RYR2: variants seen among roughly 807,000 people sequenced by gnomAD.
RYR2 encodes the protein ryanodine receptor 2.
A neutral mutation model predicts 601.1 loss-of-function variants in RYR2; 227 were observed. That is an observed-to-expected ratio of 0.38 (90% confidence interval 0.34 to 0.42). The LOEUF is 0.42. Ranked by LOEUF, RYR2 falls within the 10% of genes least tolerant of loss-of-function variation. RYR2 has a pLI of 1.00. For missense variants in RYR2, 4,646 were observed against 6,156.5 expected (o/e 0.75, Z 8.21); for synonymous variants, 2,223 against 2,175.1 (o/e 1.02, Z -0.61).
intron 5 of RYR2, 93 bp downstream of exon 5, chr1:237,364,465 C>T: frequency 1.7e-6 from 1 of 605,416 alleles, no homozygotes. Context: ...ATTAGTATAG[C>T]TGTATTATAT....
intron 80 of RYR2, among the ~76,000 whole-genome samples, chr1:237,751,059 A>C (rs1692495332): frequency 6.6e-6 from 1 of 152,206 alleles, no homozygotes; most frequent in African/African-American, 2.4e-5. Context: ...CTGTGATCCA[A>C]TCTATGATCA....
intron 2 of RYR2, among the ~76,000 whole-genome samples, chr1:237,312,452 T>A (rs1308014965): frequency 6.6e-6 from 1 of 152,236 alleles, no homozygotes; most frequent in African/African-American, 2.4e-5. Flanking sequence ...TGTCCCGCAC[T>A]TGCAGTAATA....
chr1:237,346,113 C>G lies in RYR2; in HGVS notation c.274-9852C>G, dbSNP rs187995035. ...GGGTGCGGTGGCTCATACCTATAAT[C>G]CCAGTACTTTGGGAGGCTGAGGTGG... is the stretch of plus-strand genomic sequence containing the variant. On this transcript the variant is annotated intron_variant, in intron 3 of 104. Transcript: ENST00000366574. 6.7e-4 allele frequency among the ~76,000 whole-genome samples: 102 copies of G among 152,068 alleles called. 1 individual carries two copies. The East Asian group carries it at 0.016, about 23-fold the overall frequency.
At chr1:237,487,561 A>C (rs2150392513) in intron 17 of RYR2, among the ~76,000 whole-genome samples, 1 of 150,530 alleles carries the variant, frequency 6.6e-6, no homozygotes, top group South Asian at 2.1e-4. Context: ...CTCTACAAAA[A>C]AAAAAAAAAA....
chr1:237,784,569 C>G lies in RYR2; in HGVS notation c.12857C>G (p.Ser4286Cys), dbSNP rs2149355491. Residue 4286 changes from serine (S) to cysteine (C), a missense_variant, in exon 90 of 105, where the codon TCC becomes TGC. Transcript: ENST00000366574. The surrounding 1 kb of genome is among the most constrained non-coding windows in gnomAD (Gnocchi z 7.1). ...GACATGGTCACGGCCTTCTTTTCATCCTACTGGAGTATTTTCATGACCCTC... is the reference window on the plus strand; with the variant it reads ...GACATGGTCACGGCCTTCTTTTCATGCTACTGGAGTATTTTCATGACCCTC... ...VKDMVTAFFS[S>C]YWSIFMTLLH... 2 of 1,613,944 alleles carry G rather than the reference C, an allele frequency of 1.2e-6. No individual in the cohort carries two copies. The highest frequency in any genetic ancestry group is 1.7e-6 in the Non-Finnish European group (2 of 1,179,880).
intron 12 of RYR2, among the ~76,000 whole-genome samples, chr1:237,426,244 G>A (rs979343745): frequency 6.6e-6 from 1 of 152,090 alleles, no homozygotes; most frequent in Non-Finnish European, 1.5e-5. Flanking sequence ...AGAGCTCCAG[G>A]AAAGACAGTC....
At chr1:237,420,447 A>G (rs995929013) in intron 11 of RYR2, among the ~76,000 whole-genome samples, 8 of 152,170 alleles carry the variant, frequency 5.3e-5, no homozygotes, top group African/African-American at 1.7e-4. Flanking sequence ...TGATGTTACC[A>G]TAGGAAATTG....
intron 1 of RYR2, among the ~76,000 whole-genome samples, chr1:237,097,770 A>G (rs1349383121): frequency 2.0e-5 from 3 of 152,292 alleles, no homozygotes; most frequent in African/African-American, 7.2e-5. Context: ...ATCCACTACC[A>G]GTGATATTAG....
At chr1:237,323,933 A>T (rs1695891956) in intron 2 of RYR2, among the ~76,000 whole-genome samples, 1 of 152,216 alleles carries the variant, frequency 6.6e-6, no homozygotes. Context: ...TGACACAGGA[A>T]AAATCTTTCC....
chr1:237,380,422 A>ATATATATT lies in RYR2; in HGVS notation c.576+2987_576+2988insTATATATT, dbSNP rs1214802373. Among the ~76,000 whole-genome samples, 29 of 48,058 alleles carry ATATATATT rather than the reference A, an allele frequency of 6.0e-4. 4 individuals carry two copies. Among genetic ancestry groups the ATATATATT allele is most frequent in the African/African-American group, 2.1e-3 (26 of 12,446 alleles). The allele number at this position is 48,058 out of a possible 152,430, so 31.5% of individuals were successfully genotyped here. A position where few individuals can be genotyped will look rare whatever the true frequency, so the allele number is the denominator to read the frequency against. On this transcript the variant is annotated intron_variant, in intron 8 of 104. Coordinates refer to ENST00000366574, the MANE Select transcript of RYR2 (RefSeq NM_001035.3). ...TATATATATATATATATATATATAT[A>ATATATATT]GTAAATACGAAGTCTGGTGAGTATG...
chr1:237,174,670 C>T lies in RYR2; in HGVS notation c.49-95827C>T, dbSNP rs974386964. ...TTGCCAATCTCATGTTCTAATATCCCGACTGCTTTTTCAAATAGGAGTTAG... is the reference window on the plus strand; with the variant it reads ...TTGCCAATCTCATGTTCTAATATCCTGACTGCTTTTTCAAATAGGAGTTAG... On this transcript the variant is annotated intron_variant, in intron 1 of 104. Coordinates refer to ENST00000366574, the MANE Select transcript of RYR2 (RefSeq NM_001035.3). 1.5e-4 allele frequency among the ~76,000 whole-genome samples: 23 copies of T among 152,182 alleles called. No homozygotes were observed. In the South Asian group the frequency reaches 3.1e-3, roughly 21 times the overall value.
At chr1:237,547,548 T>G (rs1669957673) in intron 25 of RYR2, among the ~76,000 whole-genome samples, 1 of 152,140 alleles carries the variant, frequency 6.6e-6, no homozygotes, top group Non-Finnish European at 1.5e-5. Flanking sequence ...CAAGGTATAG[T>G]CAATAATGGA....
At chr1:237,077,432 T>C (rs1482684309) in intron 1 of RYR2, among the ~76,000 whole-genome samples, 2 of 130,530 alleles carry the variant, frequency 1.5e-5, no homozygotes, top group East Asian at 2.1e-4. Context: ...TGGAGGAAGA[T>C]CTACTAAGCC....
chr1:237,551,686 A>G (rs933271769), intron 27 of RYR2, among the ~76,000 whole-genome samples: 3 of 152,196 alleles, frequency 2.0e-5, no homozygotes, highest in Non-Finnish European at 4.4e-5. Context: ...TTTTTGATGG[A>G]AAGTTTTAAA....
Position 237,687,605 on chromosome 1 carries a change from T to TGCATG in RYR2, c.9067+104_9067+108dup, listed in dbSNP as rs1426480524. On this transcript the variant is annotated intron_variant, in intron 63 of 104. Coordinates refer to ENST00000366574, the MANE Select transcript of RYR2 (RefSeq NM_001035.3). ...CTGCTATGTTGCATGGATGCATGTT[T>TGCATG]GCATGGCTGCATGCATGGTCGTTGC... is the stretch of plus-strand genomic sequence containing the variant. 4 of 849,562 alleles carry TGCATG rather than the reference T, an allele frequency of 4.7e-6. No individual in the cohort carries two copies. The East Asian group carries it at 7.9e-5, about 17-fold the overall frequency. The allele number at this position is 849,562 out of a possible 1,614,324, so 52.6% of individuals were successfully genotyped here.
chr1:237,167,331 A>T (rs1676819386), intron 1 of RYR2, among the ~76,000 whole-genome samples: 10 of 152,208 alleles, frequency 6.6e-5, no homozygotes. Context: ...AAAATTTCAC[A>T]TACTGGCTAG....
chr1:237,414,240 TAATC>T (rs907541821), intron 10 of RYR2, among the ~76,000 whole-genome samples: 4 of 152,224 alleles, frequency 2.6e-5, no homozygotes, highest in Admixed American at 6.5e-5. Flanking sequence ...CAGTCTTACT[TAATC>T]AGTCTGAGTG....
At chr1:237,122,555 G>A (rs568988338) in intron 1 of RYR2, among the ~76,000 whole-genome samples, 7 of 152,148 alleles carry the variant, frequency 4.6e-5, no homozygotes, top group African/African-American at 9.7e-5. Context: ...GGTGGCCTAC[G>A]CCTGTAATCC....
Position 237,343,952 on chromosome 1 carries a change from C to T in RYR2, c.274-12013C>T, listed in dbSNP as rs1698064951. Among the ~76,000 whole-genome samples, 5 of 151,962 alleles carry T rather than the reference C, an allele frequency of 3.3e-5. No individual in the cohort carries two copies. The South Asian group carries it at 1.0e-3, about 31-fold the overall frequency. ...TCTCCTGCCTCAGCCTCCCAAGTAGCTGGGATTGCAGGCACCCACCACCAC... is the reference window on the plus strand; with the variant it reads ...TCTCCTGCCTCAGCCTCCCAAGTAGTTGGGATTGCAGGCACCCACCACCAC... On this transcript the variant is annotated intron_variant, in intron 3 of 104. Transcript: ENST00000366574.
Sources: gnomAD v4.1 joint callset for allele counts (sites outside exome capture counted in the v4.1 genomes callset) on GRCh38, gnomAD v4.1.1 for gene constraint, Gnocchi (gnomAD v3.1) non-coding constraint, MANE v1.5 for transcripts, NCBI Gene and HGNC (gene_info 2026-07-23, HGNC 2026-07-21) for gene names.